SYT1: variants seen among roughly 807,000 people sequenced by gnomAD.
SYT1 encodes synaptotagmin-1.
A neutral mutation model predicts 44.8 loss-of-function variants in SYT1; 8 were observed. The observed-to-expected ratio is 0.18, with a 90% confidence interval of 0.10 to 0.32. The LOEUF is 0.32. Among genes scored for constraint, SYT1 ranks in the 10% least tolerant of loss-of-function variants. The pLI is 1.00. For missense variants in SYT1, 286 were observed against 509.3 expected (o/e 0.56, Z 4.22); for synonymous variants, 154 against 188.8 (o/e 0.82, Z 1.51).
At chr12:79,039,805 A>T in intron 2 of SYT1, among the ~76,000 whole-genome samples, 1 of 124,748 alleles carries the variant, frequency 8.0e-6, no homozygotes. Context: ...CCAGAGTGTG[A>T]TATTCCCCTT....
chr12:78,995,399 CAAT>C lies in SYT1; in HGVS notation c.-84+17471_-84+17473del, dbSNP rs1388220263. ...CTCAGATCTCAATAGGGGTGAGAAACAATAACCATAATGGTCTTGAAGTCACTT... is the reference window on the plus strand; with the variant it reads ...CTCAGATCTCAATAGGGGTGAGAAACAACCATAATGGTCTTGAAGTCACTT... On this transcript the variant is annotated intron_variant, in intron 2 of 10. Coordinates refer to ENST00000261205, the MANE Select transcript of SYT1 (RefSeq NM_005639.3). Among the ~76,000 whole-genome samples the C allele has an allele frequency of 4.6e-5, 7 of 152,252 alleles. No individual in the cohort carries two copies. In the East Asian group the frequency reaches 1.4e-3, roughly 29 times the overall value.
chr12:79,200,729 G>T (rs913000529), intron 3 of SYT1, among the ~76,000 whole-genome samples: 1 of 152,110 alleles, frequency 6.6e-6, no homozygotes, highest in Admixed American at 6.6e-5. Context: ...GATTTGCCCA[G>T]TTTAGACAAA....
At chr12:79,043,742 C>T (rs1403025212) in intron 2 of SYT1, among the ~76,000 whole-genome samples, 1 of 152,158 alleles carries the variant, frequency 6.6e-6, no homozygotes, top group African/African-American at 2.4e-5. Context: ...TACATTTTGG[C>T]ATGATTTTGC....
chr12:79,323,948 CTTTTTTTTTTTT>C (rs56962075), intron 8 of SYT1, among the ~76,000 whole-genome samples: 2 of 112,628 alleles, frequency 1.8e-5, no homozygotes, highest in Non-Finnish European at 3.6e-5. Flanking sequence ...TTTCTATTTT[CTTTTTTTTTTTT>C]TTTTTTTTGA....
intron 1 of SYT1, among the ~76,000 whole-genome samples, chr12:78,918,939 C>A (rs1002483231): frequency 1.1e-4 from 17 of 151,838 alleles, no homozygotes; most frequent in Admixed American, 2.0e-4. Flanking sequence ...TTTTTAAATT[C>A]TTAACTAATT....
intron 3 of SYT1, among the ~76,000 whole-genome samples, chr12:79,049,907 AG>A: frequency 6.6e-6 from 1 of 152,154 alleles, no homozygotes; most frequent in Non-Finnish European, 1.5e-5. Flanking sequence ...TGCTTACAAA[AG>A]GTTTTTGTGC....
Position 78,952,137 on chromosome 12 carries a change from G to T in SYT1, c.-216-25662G>T, listed in dbSNP as rs143793062. Among the ~76,000 whole-genome samples the T allele has an allele frequency of 4.0e-3, 603 of 152,118 alleles. 5 individuals are homozygous for T. Among genetic ancestry groups the T allele is most frequent in the African/African-American group, 0.014 (575 of 41,512 alleles). On this transcript the variant is annotated intron_variant, in intron 1 of 10. Transcript: ENST00000261205. ...CCGCATCTGTAACATTGCCTGGCACGAAATCCTGGGCCAAAATGGAGATAA... is the reference window on the plus strand; with the variant it reads ...CCGCATCTGTAACATTGCCTGGCACTAAATCCTGGGCCAAAATGGAGATAA...
intron 4 of SYT1, among the ~76,000 whole-genome samples, chr12:79,249,857 A>G (rs562756268): frequency 3.9e-4 from 60 of 152,314 alleles, no homozygotes; most frequent in Middle Eastern, 3.4e-3. Flanking sequence ...GTAAAGTATC[A>G]AAGTTTTGAA....
At chr12:79,138,488 ATAAAT>A (rs990907251) in intron 3 of SYT1, among the ~76,000 whole-genome samples, 13 of 152,374 alleles carry the variant, frequency 8.5e-5, no homozygotes, top group Admixed American at 5.9e-4. Context: ...ATCTTAATTC[ATAAAT>A]AGATTACTTT....
chr12:79,166,872 A>C (rs1871251614), intron 3 of SYT1, among the ~76,000 whole-genome samples: 1 of 152,000 alleles, frequency 6.6e-6, no homozygotes, highest in Admixed American at 6.6e-5. Context: ...ATTTTGAGTA[A>C]ATCATTTAAA....
intron 8 of SYT1, among the ~76,000 whole-genome samples, chr12:79,338,276 C>CTT (rs58399069): frequency 0.045 from 6,516 of 144,870 alleles, 310 homozygotes; most frequent in African/African-American, 0.11. Flanking sequence ...TTTCTTTTTC[C>CTT]TTTTTTTTTT....
At chr12:79,155,668 G>C (rs1870548863) in intron 3 of SYT1, among the ~76,000 whole-genome samples, 1 of 152,130 alleles carries the variant, frequency 6.6e-6, no homozygotes, top group Non-Finnish European at 1.5e-5. Context: ...TTACAGTTAT[G>C]TTTCCATCAA....
At chr12:78,937,568 T>G (rs150511808) in intron 1 of SYT1, among the ~76,000 whole-genome samples, 1,961 of 152,228 alleles carry the variant, frequency 0.013, 40 homozygotes, top group African/African-American at 0.045. Flanking sequence ...ATAAATAAAT[T>G]CAAATGTAAG....
chr12:79,011,967 A>G (rs1332939802), intron 2 of SYT1, among the ~76,000 whole-genome samples: 1 of 151,872 alleles, frequency 6.6e-6, no homozygotes, highest in Non-Finnish European at 1.5e-5. Context: ...CCCCAACTAT[A>G]CTAAAAATAC....
chr12:79,067,829 C>T (rs1875980636), intron 3 of SYT1, among the ~76,000 whole-genome samples: 1 of 152,196 alleles, frequency 6.6e-6, no homozygotes, highest in Non-Finnish European at 1.5e-5. Flanking sequence ...TAGGATCAAG[C>T]TGCCATGGGC....
At chr12:79,148,428 A>G (rs963833163) in intron 3 of SYT1, among the ~76,000 whole-genome samples, 3 of 152,150 alleles carry the variant, frequency 2.0e-5, no homozygotes, top group Non-Finnish European at 4.4e-5. Context: ...TGGTCTTGAA[A>G]TTGACACTTT....
chr12:78,958,588 G>A lies in SYT1; in HGVS notation c.-216-19211G>A, dbSNP rs147449387. 4.4e-3 allele frequency among the ~76,000 whole-genome samples: 671 copies of A among 152,010 alleles called. 3 individuals are homozygous for A. The highest frequency in any genetic ancestry group is 0.014 in the African/African-American group (568 of 41,466). On this transcript the variant is annotated intron_variant, in intron 1 of 10. Transcript: ENST00000261205. ...CACACACCTGAAATCCCAGCTACTC[G>A]GGAGGCTAAAGCATGAGAATCACTT...
At chr12:79,104,643 T>C (rs1317662719) in intron 3 of SYT1, among the ~76,000 whole-genome samples, 1 of 151,880 alleles carries the variant, frequency 6.6e-6, no homozygotes, top group African/African-American at 2.4e-5. Flanking sequence ...GACAGATCAA[T>C]TGAACAGCAC....
At chr12:79,387,481 A>G (rs1025659450) in intron 9 of SYT1, among the ~76,000 whole-genome samples, 1 of 152,202 alleles carries the variant, frequency 6.6e-6, no homozygotes, top group Non-Finnish European at 1.5e-5. Context: ...TATTTGACAC[A>G]TATGGCCCCT....
Sources: gnomAD v4.1 joint callset for allele counts (sites outside exome capture counted in the v4.1 genomes callset) on GRCh38, gnomAD v4.1.1 for gene constraint, MANE v1.5 for transcripts, NCBI Gene and HGNC (gene_info 2026-07-23, HGNC 2026-07-21) for gene names.